SCN11A: variants seen among roughly 807,000 people sequenced by gnomAD.
The protein encoded by SCN11A is sodium voltage-gated channel alpha subunit 11, also known as sodium channel protein type 11 subunit alpha.
Under a neutral mutation model 162.2 loss-of-function variants are expected in SCN11A, and 122 were observed. The ratio of observed to expected loss-of-function variants is 0.75; its 90% CI spans 0.65 to 0.87. SCN11A has a LOEUF of 0.87. Ranked by LOEUF, SCN11A falls within the 40% of genes least tolerant of loss-of-function variation. The pLI is 0.00. For missense variants in SCN11A, 2,015 were observed against 2,181.6 expected, an observed-to-expected ratio of 0.92 and a Z score of 1.52; for synonymous variants, 758 against 751.5, an observed-to-expected ratio of 1.01 and a Z score of -0.14.
chr3:39,044,402 A>G (rs2032136240), intron 1 of SCN11A, among the ~76,000 whole-genome samples: 1 of 152,210 alleles, frequency 6.6e-6, no homozygotes, highest in South Asian at 2.1e-4. Context: ...ACATCCTCCA[A>G]GATAGACCAT....
intron 2 of SCN11A, among the ~76,000 whole-genome samples, chr3:39,012,152 C>A (rs2031159510): frequency 6.6e-6 from 1 of 151,836 alleles, no homozygotes; most frequent in Admixed American, 6.6e-5. Context: ...ATGGAGAAAC[C>A]CCTTCTCTAC....
chr3:38,896,535 A>G (rs1281244379), intron 18 of SCN11A, among the ~76,000 whole-genome samples: 2 of 152,224 alleles, frequency 1.3e-5, no homozygotes, highest in Non-Finnish European at 2.9e-5. Context: ...TTTACATCCT[A>G]TTGACCAAAT....
At chr3:38,870,630 G>A in intron 26 of SCN11A, 61 bp downstream of exon 26, 1 of 1,402,930 alleles carries the variant, frequency 7.1e-7, no homozygotes, top group South Asian at 1.2e-5. Flanking sequence ...GACTGTCCAT[G>A]TAGTCATGAT....
At chr3:38,946,942 CACAT>C in intron 5 of SCN11A, 35 bp from the exon 6 acceptor site, 2 of 1,203,556 alleles carry the variant, frequency 1.7e-6, no homozygotes, top group Admixed American at 2.0e-5. Flanking sequence ...AGAAAACACA[CACAT>C]ACACAACAGG....
chr3:39,012,030 A>G (rs1438452795), intron 2 of SCN11A, among the ~76,000 whole-genome samples: 2 of 152,210 alleles, frequency 1.3e-5, no homozygotes, highest in Non-Finnish European at 2.9e-5. Context: ...AAATTAAATA[A>G]TATGAAATTC....
intron 9 of SCN11A, 85 bp from the exon 10 acceptor site, chr3:38,921,340 C>A: frequency 7.8e-7 from 1 of 1,289,880 alleles, no homozygotes; most frequent in Non-Finnish European, 1.1e-6. Flanking sequence ...ACTGAAGTCT[C>A]GGAAACTGTC....
chr3:39,046,112 T>C (rs1210170403), intron 1 of SCN11A, among the ~76,000 whole-genome samples: 1 of 151,964 alleles, frequency 6.6e-6, no homozygotes, highest in African/African-American at 2.4e-5. Context: ...ATACAAAAAT[T>C]AGCTGGGCGT....
chr3:38,899,882 A>G lies in SCN11A; in HGVS notation c.2022+12T>C. ...AGCTACGTTTATGCAGTAAAATAAG[A>G]AAGTGCCTTACCACTCTGAAGGAAC... On this transcript the variant is annotated intron_variant, in intron 17 of 29. Coordinates refer to ENST00000302328, the MANE Select transcript of SCN11A (RefSeq NM_001349253.2). The G allele has an allele frequency of 6.2e-7, 1 of 1,607,680 alleles. No homozygotes were observed.
At chr3:38,907,383 C>T (rs968957234) in intron 14 of SCN11A, among the ~76,000 whole-genome samples, 2 of 117,636 alleles carry the variant, frequency 1.7e-5, no homozygotes, top group African/African-American at 3.0e-5. Flanking sequence ...CACACACACA[C>T]ACACACTTTG....
intron 12 of SCN11A, 86 bp downstream of exon 12, chr3:38,909,980 T>C: frequency 1.6e-6 from 2 of 1,274,458 alleles, no homozygotes; most frequent in Non-Finnish European, 2.2e-6. Context: ...TATAAATAAA[T>C]GGTAAATAAA....
chr3:39,049,062 AAAGT>A (rs1191094826), intron 1 of SCN11A, among the ~76,000 whole-genome samples: 1 of 152,276 alleles, frequency 6.6e-6, no homozygotes, highest in Admixed American at 6.5e-5. Context: ...ATTTGTAAGT[AAAGT>A]AAGGGTTGTA....
intron 9 of SCN11A, among the ~76,000 whole-genome samples, chr3:38,922,212 G>A (rs1218332350): frequency 1.3e-5 from 2 of 152,232 alleles, no homozygotes; most frequent in Non-Finnish European, 2.9e-5. Flanking sequence ...GCAGCATACA[G>A]TGGGAGGCCA....
chr3:38,909,921 C>T, intron 12 of SCN11A, 145 bp downstream of exon 12: 1 of 879,308 alleles, frequency 1.1e-6, no homozygotes. Flanking sequence ...TTTAACAGTA[C>T]AACTGTTAAA....
chr3:39,003,601 C>T (rs1461789879), intron 2 of SCN11A, among the ~76,000 whole-genome samples: 2 of 152,212 alleles, frequency 1.3e-5, no homozygotes, highest in African/African-American at 2.4e-5. Flanking sequence ...TTTGAGGAAT[C>T]ACCATATGGA....
intron 4 of SCN11A, among the ~76,000 whole-genome samples, chr3:38,951,643 T>C (rs556998979): frequency 1.3e-5 from 2 of 152,344 alleles, no homozygotes; most frequent in Non-Finnish European, 2.9e-5. Flanking sequence ...GGAGAGTCTT[T>C]ATATCTAGCT....
chr3:38,878,125 A>G (rs2065250077), intron 23 of SCN11A, among the ~76,000 whole-genome samples: 1 of 151,836 alleles, frequency 6.6e-6, no homozygotes, highest in South Asian at 2.1e-4. Flanking sequence ...TAACTTATTC[A>G]GGTAACCAAA....
intron 14 of SCN11A, among the ~76,000 whole-genome samples, chr3:38,906,523 T>C (rs1458465994): frequency 6.6e-6 from 1 of 152,172 alleles, no homozygotes; most frequent in African/African-American, 2.4e-5. Context: ...TAGCTAATCA[T>C]GTCGGAAACC....
At chr3:38,954,192 A>G (rs2125580492) in intron 3 of SCN11A, among the ~76,000 whole-genome samples, 1 of 152,330 alleles carries the variant, frequency 6.6e-6, no homozygotes, top group South Asian at 2.1e-4. Context: ...GGATGATGGA[A>G]TTCCCCGCAC....
intron 5 of SCN11A, among the ~76,000 whole-genome samples, chr3:38,949,168 G>C (rs574493552): frequency 1.3e-5 from 2 of 152,272 alleles, no homozygotes; most frequent in South Asian, 2.1e-4. Context: ...CAGCCTCCTA[G>C]GTCTCTAACC....
Sources: allele counts gnomAD v4.1 joint callset (sites outside exome capture counted in the v4.1 genomes callset), GRCh38; gene constraint gnomAD v4.1.1; transcripts MANE v1.5; gene names NCBI Gene and HGNC (gene_info 2026-07-23, HGNC 2026-07-21).